The following TOP3B variants were observed in gnomAD, a reference collection of about 807,000 sequenced individuals.
The protein encoded by TOP3B is DNA topoisomerase III beta.
A neutral mutation model predicts 93.9 loss-of-function variants in TOP3B; 45 were observed. The ratio of observed to expected loss-of-function variants is 0.48; its 90% CI spans 0.38 to 0.61. The LOEUF is 0.61. TOP3B is among the 20% of genes least tolerant of loss of function. TOP3B has a pLI of 0.00. For missense variants in TOP3B, 750 were observed against 1,156.1 expected, an observed-to-expected ratio of 0.65 and a Z score of 5.09; for synonymous variants, 357 against 472.6, an observed-to-expected ratio of 0.76 and a Z score of 3.17.
chr22:21,970,659 C>T lies in TOP3B; in HGVS notation c.385-253G>A, dbSNP rs1054736220. The stretch of plus-strand genomic sequence containing the variant: ...TCCTTTACTCCCATCTAGAAACATA[C>T]TCGAACACTCCCTTCTTACTCCCGC... On this transcript the variant is annotated intron_variant, in intron 5 of 17. Transcript: ENST00000357179. This position sits in a 1 kb window ranked among gnomAD's most constrained non-coding sequence, Gnocchi z 4.4. 9.3e-6 allele frequency: 5 copies of T among 538,834 alleles called. No individual in the cohort carries two copies. Among genetic ancestry groups the T allele is most frequent in the African/African-American group, 3.8e-5 (2 of 52,878 alleles). The allele number at this position is 538,834 out of a possible 1,614,324, so 33.4% of individuals were successfully genotyped here. A position where few individuals can be genotyped will look rare whatever the true frequency, so the allele number is the denominator to read the frequency against.
chr22:21,972,871 C>T, intron 3 of TOP3B, 153 bp from the exon 4 acceptor site: 1 of 680,744 alleles, frequency 1.5e-6, no homozygotes, highest in Non-Finnish European at 2.6e-6. Flanking sequence ...GAGGCAGAGC[C>T]AGGATGTGGG....
chr22:21,962,257 C>T (rs1367581261), intron 13 of TOP3B, 172 bp downstream of exon 13: 2 of 1,569,374 alleles, frequency 1.3e-6, no homozygotes, highest in Non-Finnish European at 1.7e-6. Context: ...GAGGGGATGC[C>T]CGCTGTGGAC....
intron 6 of TOP3B, chr22:21,969,958 T>G: frequency 6.6e-6 from 2 of 301,502 alleles, no homozygotes; most frequent in Non-Finnish European, 5.9e-6. Context: ...TTTGTAGAGA[T>G]GGGGTCTTGT....
chr22:21,972,740 A>T (rs2071692657), intron 3 of TOP3B, 22 bp from the exon 4 acceptor site: 1 of 1,596,580 alleles, frequency 6.3e-7, no homozygotes, highest in Non-Finnish European at 8.6e-7. Flanking sequence ...TCACAGTGAC[A>T]TTGAGTCACA....
In TOP3B at chr22:21,970,211, T is replaced by A; in HGVS notation, c.580A>T (p.Arg194Trp). The A allele has an allele frequency of 6.2e-7, 1 of 1,610,488 alleles. No individual in the cohort carries two copies. Among genetic ancestry groups the A allele is most frequent in the Non-Finnish European group, 8.5e-7 (1 of 1,179,908 alleles). ...GGACTCTGCGGGTGTGGCCAGCACC[T>A]GGTGAATGCACAGCCGATTCGCAGG... The part of the protein sequence containing the change: ...LDLRIGCAFT[R>W]FQTKYFQGKY... The change falls in exon 6 of 18, where the codon AGG (arginine) becomes TGG (tryptophan). Residue 194 changes from arginine (R) to tryptophan (W), a missense_variant and splice_region_variant. Transcript: ENST00000357179. The surrounding 1 kb of genome is among the most constrained non-coding windows in gnomAD (Gnocchi z 4.4).
chr22:21,978,997 G>A (rs1308490428), intron 1 of TOP3B, among the ~76,000 whole-genome samples: 3 of 152,078 alleles, frequency 2.0e-5, no homozygotes, highest in Non-Finnish European at 4.4e-5. Context: ...GCATCCAGGC[G>A]ATGCAGAGCT....
At chr22:21,972,580 G>A (rs765628686) in intron 4 of TOP3B, 32 bp downstream of exon 4, 22 of 1,511,514 alleles carry the variant, frequency 1.5e-5, no homozygotes, top group African/African-American at 1.1e-4. Context: ...GGGGAGCCCC[G>A]GTGTGCTCAT....
intron 2 of TOP3B, chr22:21,975,154 G>A (rs1008372758): frequency 9.8e-5 from 15 of 153,670 alleles, no homozygotes; most frequent in African/African-American, 3.6e-4. Flanking sequence ...AGTTGGGGGT[G>A]AGTGGCAGAC....
At chr22:21,959,766 C>A (rs760687509) in intron 14 of TOP3B, 30 bp from the exon 15 acceptor site, 20 of 1,603,978 alleles carry the variant, frequency 1.2e-5, no homozygotes, top group Non-Finnish European at 1.4e-5. Flanking sequence ...AGATATTGCC[C>A]TGAGCACTCG....
intron 9 of TOP3B, 174 bp from the exon 10 acceptor site, chr22:21,964,489 A>G: frequency 1.4e-6 from 1 of 694,570 alleles, no homozygotes; most frequent in Non-Finnish European, 2.4e-6. Flanking sequence ...CACCTATGCC[A>G]CACAGTCTTG....
At position 21,963,385 on chromosome 22, in the gene TOP3B, C is replaced by T. The variant is rs779971516; in HGVS notation, c.1205-492G>A. 4 of 169,170 alleles carry T rather than the reference C, an allele frequency of 2.4e-5. No individual in the cohort carries two copies. The highest frequency in any genetic ancestry group is 5.1e-5 in the Non-Finnish European group (4 of 78,174). The allele number at this position is 169,170 out of a possible 1,614,324, so 10.5% of individuals were successfully genotyped here. On this transcript the variant is annotated intron_variant, in intron 11 of 17. Coordinates refer to ENST00000357179, the MANE Select transcript of TOP3B (RefSeq NM_001282112.2). The surrounding 1 kb of genome is among the most constrained non-coding windows in gnomAD (Gnocchi z 4.8). ...ATGCGGAGGAAGGGAACACAAGCCT[C>T]CATGCCTCAGTGGTTTCTTTCTGGC... is the stretch of plus-strand genomic sequence containing the variant.
Position 21,974,401 on chromosome 22 carries a change from T to C in TOP3B, c.158A>G (p.Lys53Arg), listed in dbSNP as rs752636385. 3 of 1,614,188 alleles carry C rather than the reference T, an allele frequency of 1.9e-6. No homozygotes were observed. The highest frequency in any genetic ancestry group is 2.5e-6 in the Non-Finnish European group (3 of 1,180,018). ...GTFAGQPVRFKMTSVCGHVMT... is the reference protein window; with the variant it reads ...GTFAGQPVRFRMTSVCGHVMT... Reference sequence around the variant, plus strand: ...CACGTGACCACAGACAGACGTCATCTTGAAGCGCACTGGCTGGCCAGCAAA... The same window carrying C: ...CACGTGACCACAGACAGACGTCATCCTGAAGCGCACTGGCTGGCCAGCAAA... Residue 53 changes from lysine (K) to arginine (R), a missense_variant, in exon 3 of 18, where the codon AAG becomes AGG. By Grantham distance (26) the Lys-to-Arg change is conservative. Coordinates refer to ENST00000357179, the MANE Select transcript of TOP3B (RefSeq NM_001282112.2).
At position 21,959,636 on chromosome 22, in the gene TOP3B, G is replaced by C. The variant is rs770990509; in HGVS notation, c.1755C>G (p.Thr585=). The change falls in exon 15 of 18, where the codon ACC becomes ACG. Residue 585 remains threonine (T), a synonymous_variant. Coordinates refer to ENST00000357179, the MANE Select transcript of TOP3B (RefSeq NM_001282112.2). ...GGAACTTCCTCTTGAACACGTCCAGGGTGTGGCCCAGGACCTGGCGGTAGT... is the reference window on the plus strand; with the variant it reads ...GGAACTTCCTCTTGAACACGTCCAGCGTGTGGCCCAGGACCTGGCGGTAGT... ...KADYRQVLGH[T]LDVFKRKFHY... 1.2e-6 allele frequency: 2 copies of C among 1,613,804 alleles called. No individual in the cohort carries two copies. The highest frequency in any genetic ancestry group is 1.1e-5 in the South Asian group (1 of 91,082).
In TOP3B at chr22:21,963,540, G is replaced by C. The variant is rs1322613846; in HGVS notation, c.1204+383C>G. ...TTCAAACTCAGACTGTCCACAGGTG[G>C]CTCCTGTCTCTACCTGCACTGCTCT... On this transcript the variant is annotated intron_variant, in intron 11 of 17. Transcript: ENST00000357179. This position sits in a 1 kb window ranked among gnomAD's most constrained non-coding sequence, Gnocchi z 4.8. The C allele has an allele frequency of 2.0e-5, 5 of 246,830 alleles. No individual in the cohort carries two copies. 15.3% of individuals were successfully genotyped at this position (246,830 alleles called of 1,614,324 possible).
At position 21,972,686 on chromosome 22, in the gene TOP3B, C is replaced by A; in HGVS notation, c.235G>T (p.Ala79Ser). The A allele has an allele frequency of 6.2e-7, 1 of 1,613,926 alleles. No homozygotes were observed. Among genetic ancestry groups the A allele is most frequent in the Non-Finnish European group, 8.5e-7 (1 of 1,179,970 alleles). ...KYNKWDKVDPAELFSQAPTEK... is the reference protein window; with the variant it reads ...KYNKWDKVDPSELFSQAPTEK... ...GTGGGAGCTTGGCTGAACAGTTCTG[C>A]GGGGTCCACTTTGTCCCATTTGTTG... Residue 79 changes from alanine to serine, a missense_variant, in exon 4 of 18, where the codon GCA becomes TCA. By Grantham distance (99) the Ala-to-Ser change is moderately conservative (BLOSUM62 1). Transcript: ENST00000357179.
At chr22:21,962,106 C>T (rs62234972) in intron 13 of TOP3B, 143,013 of 1,285,456 alleles carry the variant, frequency 0.11, 8,358 homozygotes, top group Middle Eastern at 0.13. Context: ...AGGGGACTGC[C>T]AATATGATTT....
In TOP3B at chr22:21,975,911, CAAG is replaced by C. The variant is rs551280997; in HGVS notation, c.-98-107_-98-105del. On this transcript the variant is annotated intron_variant, in intron 1 of 17. Coordinates refer to ENST00000357179, the MANE Select transcript of TOP3B (RefSeq NM_001282112.2). ...AAGAAAAAACAAGACCAACCTGAGG[CAAG>C]AAGAAGAAAAATTAGGGAATTAGGG... is the stretch of plus-strand genomic sequence containing the variant. 143 of 747,460 alleles carry C rather than the reference CAAG, an allele frequency of 1.9e-4. 1 individual carries two copies. In the African/African-American group the frequency reaches 2.3e-3, roughly 12 times the overall value. 46.3% of individuals were successfully genotyped at this position (747,460 alleles called of 1,614,324 possible). A position where few individuals can be genotyped will look rare whatever the true frequency, so the allele number is the denominator to read the frequency against.
At chr22:21,964,119 A>G in intron 10 of TOP3B, 42 bp downstream of exon 10, 1 of 1,612,528 alleles carries the variant, frequency 6.2e-7, no homozygotes, top group East Asian at 2.2e-5. Flanking sequence ...CCAAGGCCTC[A>G]GTGACACACA....
At chr22:21,978,891 C>A (rs769619935) in intron 1 of TOP3B, among the ~76,000 whole-genome samples, 1 of 152,166 alleles carries the variant, frequency 6.6e-6, no homozygotes, top group Non-Finnish European at 1.5e-5. Context: ...TGGGACTGCT[C>A]TGGCGAGAAG....
Sources: gnomAD v4.1 joint callset for allele counts (sites outside exome capture counted in the v4.1 genomes callset) on GRCh38, gnomAD v4.1.1 for gene constraint, Gnocchi (gnomAD v3.1) non-coding constraint, MANE v1.5 for transcripts, NCBI Gene and HGNC (gene_info 2026-07-23, HGNC 2026-07-21) for gene names.